The following ANK2 variants were observed in gnomAD, a reference collection of about 807,000 sequenced individuals.
ANK2 encodes ankyrin 2.
ANK2 carries 83 observed loss-of-function variants against 360.5 expected under a neutral mutation model. That is an observed-to-expected ratio of 0.23 (90% CI 0.19 to 0.28). The LOEUF (loss-of-function observed/expected upper bound fraction) is 0.28. ANK2 is among the 10% of genes least tolerant of loss of function. ANK2 has a pLI of 1.00. For synonymous variants in ANK2, 1,740 were observed against 1,759.5 expected, an observed-to-expected ratio of 0.99 and a Z score of 0.28; for missense variants, 4,201 against 4,795.7, an observed-to-expected ratio of 0.88 and a Z score of 3.66.
chr4:112,870,661 G>C (rs2072632977), intron 1 of ANK2, among the ~76,000 whole-genome samples: 1 of 152,176 alleles, frequency 6.6e-6, no homozygotes, highest in Non-Finnish European at 1.5e-5. Flanking sequence ...TTATCTACAT[G>C]TTTATCCATG....
chr4:113,161,695 C>CGTGTGTGTGTGT (rs56162406), intron 1 of ANK2, among the ~76,000 whole-genome samples: 2 of 144,740 alleles, frequency 1.4e-5, no homozygotes, highest in African/African-American at 5.1e-5. Flanking sequence ...GTTTTAGTCT[C>CGTGTGTGTGTGT]GTGTGTGTGT....
intron 1 of ANK2, among the ~76,000 whole-genome samples, chr4:113,115,899 T>A (rs2094716526): frequency 6.6e-6 from 1 of 152,182 alleles, no homozygotes; most frequent in African/African-American, 2.4e-5. Flanking sequence ...TGAAAACCCT[T>A]CTCCTAAAAT....
chr4:113,181,867 G>A (rs1321479979), intron 2 of ANK2, among the ~76,000 whole-genome samples: 2 of 152,170 alleles, frequency 1.3e-5, no homozygotes, highest in South Asian at 2.1e-4. Context: ...ATTGGGTCAT[G>A]TAAGGCCTTG....
At chr4:112,790,478 T>C in the ANK2 span, among the ~76,000 whole-genome samples, 1 of 137,160 alleles carries the variant, frequency 7.3e-6, no homozygotes, top group African/African-American at 2.7e-5. Flanking sequence ...CATTAACTTT[T>C]CTTTTCTTTT....
the ANK2 span, among the ~76,000 whole-genome samples, chr4:112,712,406 A>ATATATAT: frequency 2.3e-5 from 2 of 86,822 alleles, no homozygotes; most frequent in African/African-American, 8.8e-5. Context: ...ATATATATAT[A>ATATATAT]TTTTTTTTTT....
upstream of ANK2, among the ~76,000 whole-genome samples, chr4:113,047,842 G>A (rs1331491306): frequency 9.2e-5 from 14 of 152,036 alleles, no homozygotes; most frequent in Non-Finnish European, 1.8e-4. Context: ...AGATGATGAC[G>A]TGGAGGGGCC....
rs184442070 is a variant in ANK2, at chr4:113,184,096, G to A, written c.186+9579G>A. On this transcript the variant is annotated intron_variant, in intron 2 of 45. Coordinates refer to ENST00000357077, the MANE Select transcript of ANK2 (RefSeq NM_001148.6). ...TATGCATCACTTGAGTAGACTTCAG[G>A]GAAGCAGTGTCTTTGGATTCTAGTT... Among the ~76,000 whole-genome samples the A allele has an allele frequency of 2.2e-3, 324 of 145,542 alleles. 2 individuals carry two copies. The highest frequency in any genetic ancestry group is 7.2e-3 in the African/African-American group (294 of 40,672).
At chr4:113,071,563 T>C (rs2077554755) in intron 1 of ANK2, among the ~76,000 whole-genome samples, 1 of 152,194 alleles carries the variant, frequency 6.6e-6, no homozygotes, top group Non-Finnish European at 1.5e-5. Context: ...CTTGATCAGC[T>C]AACATGCGCA....
intron 1 of ANK2, among the ~76,000 whole-genome samples, chr4:113,156,387 TGAGACAGA>T (rs2097297990): frequency 1.3e-5 from 2 of 148,950 alleles, no homozygotes; most frequent in Non-Finnish European, 1.5e-5. Flanking sequence ...TTTTTGTTTT[TGAGACAGA>T]GTTTCACTCC....
At chr4:112,930,959 A>T (rs569002396) in intron 2 of ANK2, among the ~76,000 whole-genome samples, 2 of 152,080 alleles carry the variant, frequency 1.3e-5, no homozygotes, top group Admixed American at 6.6e-5. Context: ...GCCTCAAGAC[A>T]TTTACATATA....
At chr4:113,258,553 T>C (rs529646298) in intron 13 of ANK2, 142 bp downstream of exon 13, 4 of 806,792 alleles carry the variant, frequency 5.0e-6, no homozygotes, top group South Asian at 4.3e-5. Context: ...TAACACATTA[T>C]TGAAATAATC....
At chr4:113,146,523 A>G (rs2096842375) in intron 1 of ANK2, among the ~76,000 whole-genome samples, 1 of 152,200 alleles carries the variant, frequency 6.6e-6, no homozygotes, top group Non-Finnish European at 1.5e-5. Context: ...TTGTTATGAT[A>G]GTAATAGTTT....
rs565296326 is a variant in ANK2, at chr4:112,877,724, G to A, written c.-39-26731G>A. Among the ~76,000 whole-genome samples the A allele has an allele frequency of 4.0e-5, 6 of 151,002 alleles. 1 individual carries two copies. In the South Asian group the frequency reaches 1.3e-3, roughly 32 times the overall value. Reference sequence around the variant, plus strand: ...TGCATAGGTTGCCCATCACAAAGCTGACTCAGAATCTACACTTCTCTTTTT... The same window carrying A: ...TGCATAGGTTGCCCATCACAAAGCTAACTCAGAATCTACACTTCTCTTTTT... On this transcript the variant is annotated intron_variant, in intron 1 of 30. Transcript: ENST00000503271.
At chr4:112,959,246 A>C (rs2033336797) in intron 2 of ANK2, among the ~76,000 whole-genome samples, 1 of 152,228 alleles carries the variant, frequency 6.6e-6, no homozygotes, top group Non-Finnish European at 1.5e-5. Context: ...TATCCAATAG[A>C]TAAGACAGGT....
the ANK2 span, among the ~76,000 whole-genome samples, chr4:112,773,972 T>G: frequency 5.3e-5 from 8 of 151,978 alleles, no homozygotes; most frequent in Non-Finnish European, 1.0e-4. Context: ...AGCTAATTTT[T>G]GTATTTTTAG....
intron 4 of ANK2, among the ~76,000 whole-genome samples, chr4:113,219,006 A>G (rs362485): frequency 0.028 from 4,248 of 152,232 alleles, 99 homozygotes; most frequent in East Asian, 0.067. Context: ...TAATTTTCTC[A>G]ATGCCATAGG....
At chr4:113,095,001 A>C (rs991869384) in intron 1 of ANK2, among the ~76,000 whole-genome samples, 4 of 152,234 alleles carry the variant, frequency 2.6e-5, no homozygotes, top group Non-Finnish European at 2.9e-5. Flanking sequence ...TCAAAGCAAC[A>C]GGTGAAATTT....
chr4:113,240,404 T>C (rs2039134493), intron 7 of ANK2, 81 bp from the exon 8 acceptor site: 2 of 1,039,348 alleles, frequency 1.9e-6, no homozygotes, highest in Admixed American at 1.7e-5. Context: ...ACTTTTACCA[T>C]GTGACCTTCT....
intron 3 of ANK2, among the ~76,000 whole-genome samples, chr4:113,197,148 C>T (rs1371311110): frequency 6.6e-6 from 1 of 152,140 alleles, no homozygotes; most frequent in African/African-American, 2.4e-5. Context: ...TGTATACATT[C>T]AGTTTGGTAT....
Sources: allele counts gnomAD v4.1 joint callset (sites outside exome capture counted in the v4.1 genomes callset), GRCh38; gene constraint gnomAD v4.1.1; transcripts MANE v1.5; gene names NCBI Gene and HGNC (gene_info 2026-07-23, HGNC 2026-07-21).